C8orf89: variants seen among roughly 807,000 people sequenced by gnomAD.
C8orf89 encodes the protein putative uncharacterized protein C8orf89.
Under a neutral mutation model 15.8 loss-of-function variants are expected in C8orf89, and 14 were observed. The observed-to-expected ratio is 0.89, with a 90% confidence interval of 0.59 to 1.39. The LOEUF is 1.39. Among genes scored for constraint, C8orf89 ranks in the 40% most tolerant of loss-of-function variants. C8orf89 has a pLI of 0.00. For synonymous variants in C8orf89, 55 were observed against 62.2 expected, an observed-to-expected ratio of 0.88 and a Z score of 0.54; for missense variants, 181 against 184.5, an observed-to-expected ratio of 0.98 and a Z score of 0.11.
Position 73,259,473 on chromosome 8 carries a change from A to G in C8orf89, c.-15T>C, listed in dbSNP as rs1328776180. On this transcript the variant is annotated 5_prime_UTR_variant, in exon 1 of 4. Coordinates refer to ENST00000624510, the MANE Select transcript of C8orf89 (RefSeq NM_001243237.3). ...AGCACTGACATTTTTTCTTCTTTCA[A>G]CAGTGCTGATGAGAGGGAGATGCTG... is the stretch of plus-strand genomic sequence containing the variant. 3 of 1,521,116 alleles carry G rather than the reference A, an allele frequency of 2.0e-6. No individual in the cohort carries two copies. Among genetic ancestry groups the G allele is most frequent in the Admixed American group, 2.1e-5 (1 of 48,662 alleles). The allele number at this position is 1,521,116 out of a possible 1,614,324, so 94.2% of individuals were successfully genotyped here.
Position 73,241,515 on chromosome 8 carries a change from C to T in C8orf89, c.428G>A (p.Arg143His), listed in dbSNP as rs150132807. 1.7e-4 allele frequency: 265 copies of T among 1,529,670 alleles called. No individual in the cohort carries two copies. The highest frequency in any genetic ancestry group is 2.1e-4 in the Non-Finnish European group (235 of 1,143,284). The allele number at this position is 1,529,670 out of a possible 1,614,324, so 94.8% of individuals were successfully genotyped here. ...KIAILEYDTI[R>H]QETTTKSKKS... is the part of the protein sequence containing the mutation. Reference sequence around the variant, plus strand: ...TTTTGATTTTGTGGTTGTTTCCTGACGAATGGTATCATATTCCAATATGGC... The same window carrying T: ...TTTTGATTTTGTGGTTGTTTCCTGATGAATGGTATCATATTCCAATATGGC... The change falls in exon 4 of 4, where the codon CGT becomes CAT. Residue 143 changes from arginine (R) to histidine (H), a missense_variant. Transcript: ENST00000624510.
At chr8:73,255,268 A>G (rs1813344526) in intron 2 of C8orf89, among the ~76,000 whole-genome samples, 1 of 152,246 alleles carries the variant, frequency 6.6e-6, no homozygotes, top group Non-Finnish European at 1.5e-5. Flanking sequence ...AAACAAATTT[A>G]CAAGAAAAAA....
the C8orf89 span, chr8:73,277,449 T>A: frequency 4.6e-6 from 5 of 1,087,402 alleles, no homozygotes; most frequent in Non-Finnish European, 5.4e-6. Flanking sequence ...CTCCAAATTC[T>A]TTTTCTCGGT....
upstream of C8orf89, among the ~76,000 whole-genome samples, chr8:73,259,981 C>A (rs1453859932): frequency 6.6e-6 from 1 of 152,168 alleles, no homozygotes; most frequent in Non-Finnish European, 1.5e-5. Flanking sequence ...AGGAGTGACA[C>A]CACCATGACC....
chr8:73,241,967 G>A (rs370387585), intron 3 of C8orf89, among the ~76,000 whole-genome samples: 21 of 151,914 alleles, frequency 1.4e-4, no homozygotes, highest in East Asian at 9.7e-4. Context: ...AAACCAGATC[G>A]CATCTCTCGA....
chr8:73,255,332 A>C (rs1432647412), intron 2 of C8orf89, among the ~76,000 whole-genome samples: 1 of 152,230 alleles, frequency 6.6e-6, no homozygotes, highest in Admixed American at 6.5e-5. Flanking sequence ...ACTTCTCAAA[A>C]GAAGACATTT....
the C8orf89 span, among the ~76,000 whole-genome samples, chr8:73,282,151 ATTC>A: frequency 6.6e-6 from 1 of 151,424 alleles, no homozygotes; most frequent in South Asian, 2.1e-4. Flanking sequence ...ACTTAAATAT[ATTC>A]ATTAAGCATG....
rs557314872 is a variant in C8orf89 at position 73,254,301 on chromosome 8, T to C, written c.281+2672A>G. Among the ~76,000 whole-genome samples, 858 of 152,168 alleles carry C rather than the reference T, an allele frequency of 5.6e-3. 9 individuals carry two copies. The highest frequency in any genetic ancestry group is 7.8e-3 in the Non-Finnish European group (533 of 67,988). The stretch of plus-strand genomic sequence containing the variant: ...ATGAAGCCCACTTGATCATGGTGGA[T>C]AAGCTTTTTGATGTGCTGCTGGATT... On this transcript the variant is annotated intron_variant, in intron 2 of 3. Transcript: ENST00000624510.
At chr8:73,245,852 G>A (rs1475774454) in intron 3 of C8orf89, among the ~76,000 whole-genome samples, 1 of 152,110 alleles carries the variant, frequency 6.6e-6, no homozygotes, top group Non-Finnish European at 1.5e-5. Flanking sequence ...AAGAAAACAA[G>A]TAACCCAAAT....
chr8:73,256,307 A>G (rs1300259110), intron 2 of C8orf89, among the ~76,000 whole-genome samples: 1 of 152,122 alleles, frequency 6.6e-6, no homozygotes, highest in African/African-American at 2.4e-5. Flanking sequence ...ATGAAGCACA[A>G]GGTTCTATAT....
At chr8:73,259,731 T>C (rs1416317099), upstream of C8orf89, among the ~76,000 whole-genome samples, 3 of 152,022 alleles carry the variant, frequency 2.0e-5, no homozygotes, top group Non-Finnish European at 4.4e-5. Context: ...TAAAATGCAT[T>C]TGTGCCTAAA....
chr8:73,283,015 A>C, the C8orf89 span, among the ~76,000 whole-genome samples: 2 of 152,244 alleles, frequency 1.3e-5, no homozygotes, highest in Non-Finnish European at 2.9e-5. Context: ...GTATGAATTG[A>C]GGTACACAGG....
At chr8:73,271,778 C>T in the C8orf89 span, among the ~76,000 whole-genome samples, 1 of 152,172 alleles carries the variant, frequency 6.6e-6, no homozygotes, top group Non-Finnish European at 1.5e-5. Flanking sequence ...CTTACAATTC[C>T]ATGTGGCTGG....
chr8:73,270,026 C>A, the C8orf89 span, among the ~76,000 whole-genome samples: 1 of 152,084 alleles, frequency 6.6e-6, no homozygotes, highest in Non-Finnish European at 1.5e-5. Flanking sequence ...GAAAGTTGTT[C>A]CTGTTAATAT....
the C8orf89 span, among the ~76,000 whole-genome samples, chr8:73,284,223 TTTTTTTTG>T: frequency 4.2e-5 from 2 of 47,970 alleles, no homozygotes; most frequent in East Asian, 5.8e-4. Context: ...TTTTTTTTTT[TTTTTTTTG>T]GTGATGGAGT....
upstream of C8orf89, among the ~76,000 whole-genome samples, chr8:73,262,476 T>A (rs1287004050): frequency 6.6e-6 from 1 of 152,158 alleles, no homozygotes; most frequent in Non-Finnish European, 1.5e-5. Context: ...GTTATCCTTA[T>A]GCTTTTGTGT....
the C8orf89 span, among the ~76,000 whole-genome samples, chr8:73,280,407 G>T: frequency 6.6e-6 from 1 of 152,148 alleles, no homozygotes; most frequent in African/African-American, 2.4e-5. Flanking sequence ...GTCTCACTCT[G>T]TTGCCCAGGC....
chr8:73,271,898 T>C, the C8orf89 span, among the ~76,000 whole-genome samples: 1 of 152,180 alleles, frequency 6.6e-6, no homozygotes, highest in Admixed American at 6.5e-5. Context: ...AAGATGAGAT[T>C]TGGACGGGGA....
At chr8:73,283,034 T>C in the C8orf89 span, among the ~76,000 whole-genome samples, 1 of 152,156 alleles carries the variant, frequency 6.6e-6, no homozygotes, top group African/African-American at 2.4e-5. Context: ...GGTTTGAAGA[T>C]GAAAATGTTA....
Sources: gnomAD v4.1 joint callset for allele counts (sites outside exome capture counted in the v4.1 genomes callset) on GRCh38, gnomAD v4.1.1 for gene constraint, MANE v1.5 for transcripts, NCBI Gene and HGNC (gene_info 2026-07-23, HGNC 2026-07-21) for gene names.